SIPA1L1: variants seen among roughly 807,000 people sequenced by gnomAD.
SIPA1L1 encodes signal induced proliferation associated 1 like 1.
SIPA1L1 carries 26 observed loss-of-function variants against 162.7 expected under a neutral mutation model. The observed-to-expected ratio is 0.16, with a 90% CI of 0.12 to 0.22. SIPA1L1 has a LOEUF of 0.22. SIPA1L1 is among the 10% of genes least tolerant of loss of function. The pLI is 1.00. For missense variants in SIPA1L1, 1,874 were observed against 2,241.0 expected, an observed-to-expected ratio of 0.84 and a Z score of 3.31; for synonymous variants, 829 against 837.4, an observed-to-expected ratio of 0.99 and a Z score of 0.17.
intron 3 of SIPA1L1, among the ~76,000 whole-genome samples, chr14:71,528,129 C>T (rs147575153): frequency 1.3e-5 from 2 of 152,308 alleles, no homozygotes; most frequent in African/African-American, 2.4e-5. Context: ...GTTTGTTCAG[C>T]ACTCCATAGT....
At position 71,546,376 on chromosome 14, in the gene SIPA1L1, C is replaced by CTTTT. The variant is rs11480749; in HGVS notation, c.-303+17020_-303+17023dup. On this transcript the variant is annotated intron_variant, in intron 4 of 23. Transcript: ENST00000381232. ...TCTGTATTGTTTTTTCTTTTTCTTTCTTTTTTTTTTTTTTTTTGAGATGGA... is the reference window on the plus strand; with the variant it reads ...TCTGTATTGTTTTTTCTTTTTCTTTCTTTTTTTTTTTTTTTTTTTTTGAGATGGA... Among the ~76,000 whole-genome samples the CTTTT allele has an allele frequency of 6.8e-4, 80 of 116,932 alleles. 1 individual carries two copies. Among genetic ancestry groups the CTTTT allele is most frequent in the East Asian group, 3.3e-3 (13 of 3,912 alleles). The allele number at this position is 116,932 out of a possible 152,430, so 76.7% of individuals were successfully genotyped here.
At chr14:71,501,252 C>T (rs368941030) in intron 2 of SIPA1L1, among the ~76,000 whole-genome samples, 2 of 151,700 alleles carry the variant, frequency 1.3e-5, no homozygotes, top group East Asian at 1.9e-4. Flanking sequence ...GCCCAGGAGT[C>T]GAGGCTACAG....
At chr14:71,385,876 C>T (rs2040281563) in intron 2 of SIPA1L1, among the ~76,000 whole-genome samples, 3 of 151,684 alleles carry the variant, frequency 2.0e-5, no homozygotes, top group Admixed American at 6.6e-5. Context: ...TTAGTAGAGA[C>T]GGGGTTTCAC....
At chr14:71,325,328 A>C (rs2033667914) in intron 2 of SIPA1L1, among the ~76,000 whole-genome samples, 1 of 152,206 alleles carries the variant, frequency 6.6e-6, no homozygotes, top group Non-Finnish European at 1.5e-5. Flanking sequence ...ATTTAAGTTA[A>C]TTATTCTTAA....
intron 2 of SIPA1L1, among the ~76,000 whole-genome samples, chr14:71,367,734 G>T (rs1202967549): frequency 6.6e-6 from 1 of 150,876 alleles, no homozygotes; most frequent in East Asian, 1.9e-4. Context: ...AGCCTCCTGA[G>T]TAGCTGGGAT....
intron 13 of SIPA1L1, among the ~76,000 whole-genome samples, chr14:71,693,963 C>G (rs2081434879): frequency 6.6e-6 from 1 of 152,002 alleles, no homozygotes; most frequent in Non-Finnish European, 1.5e-5. Context: ...GGCCTTATGT[C>G]CTTGTACATA....
chr14:71,685,695 A>G (rs1207457924), intron 13 of SIPA1L1, 64 bp downstream of exon 13: 5 of 1,574,046 alleles, frequency 3.2e-6, no homozygotes, highest in Non-Finnish European at 4.3e-6. Flanking sequence ...ACACAGACCC[A>G]TAAGCACTAG....
At chr14:71,544,182 T>C (rs954192901) in intron 4 of SIPA1L1, among the ~76,000 whole-genome samples, 14 of 151,576 alleles carry the variant, frequency 9.2e-5, no homozygotes, top group Admixed American at 2.0e-4. Context: ...TGCACGTGTG[T>C]GTATATATAC....
intron 2 of SIPA1L1, among the ~76,000 whole-genome samples, chr14:71,350,861 A>C (rs1178995795): frequency 6.6e-6 from 1 of 152,218 alleles, no homozygotes; most frequent in Admixed American, 6.5e-5. Flanking sequence ...CTTATGAACA[A>C]GATGGGAAAA....
chr14:71,372,335 C>A (rs2038966904), intron 2 of SIPA1L1, among the ~76,000 whole-genome samples: 1 of 152,098 alleles, frequency 6.6e-6, no homozygotes, highest in Admixed American at 6.6e-5. Flanking sequence ...TTCTCAATTT[C>A]TTTTTTTCTC....
chr14:71,434,852 A>G (rs913700052), intron 2 of SIPA1L1, among the ~76,000 whole-genome samples: 1 of 152,218 alleles, frequency 6.6e-6, no homozygotes, highest in Non-Finnish European at 1.5e-5. Context: ...AAGTCCTGGG[A>G]TTACAGGTAT....
chr14:71,600,422 T>C (rs754624446), intron 5 of SIPA1L1, among the ~76,000 whole-genome samples: 5 of 152,212 alleles, frequency 3.3e-5, no homozygotes, highest in Non-Finnish European at 7.3e-5. Context: ...TATGAATTTT[T>C]CTGTATTCTG....
At chr14:71,382,889 C>T (rs573661727) in intron 2 of SIPA1L1, among the ~76,000 whole-genome samples, 2 of 152,184 alleles carry the variant, frequency 1.3e-5, no homozygotes, top group Non-Finnish European at 2.9e-5. Flanking sequence ...AATCATAACA[C>T]AGTGATGGGT....
chr14:71,650,311 G>A (rs1471840138), intron 7 of SIPA1L1, 24 bp from the exon 8 acceptor site: 2 of 1,613,366 alleles, frequency 1.2e-6, no homozygotes, highest in African/African-American at 1.3e-5. Flanking sequence ...ATATTTATAT[G>A]CATCGTATTA....
chr14:71,549,985 G>A (rs2055641229), intron 4 of SIPA1L1, among the ~76,000 whole-genome samples: 1 of 149,966 alleles, frequency 6.7e-6, no homozygotes. Flanking sequence ...GGAGCTGGGT[G>A]TGGTGGCTCA....
At position 71,709,475 on chromosome 14, in the gene SIPA1L1, C is replaced by G; in HGVS notation, c.4019C>G (p.Pro1340Arg). 1.2e-6 allele frequency: 2 copies of G among 1,614,182 alleles called. No homozygotes were observed. Among genetic ancestry groups the G allele is most frequent in the Non-Finnish European group, 8.5e-7 (1 of 1,180,022 alleles). The change falls in exon 17 of 24, where the codon CCC becomes CGC. Residue 1340 changes from proline (P) to arginine (R), a missense_variant. Physicochemically the swap from Pro to Arg is moderately radical, Grantham distance 103. Coordinates refer to ENST00000381232, the MANE Select transcript of SIPA1L1 (RefSeq NM_001386936.1). ...RSGPGKEKVA[P>R]LWHSSSEVIS... ...GGGCCAGGCAAGGAGAAAGTGGCAC[C>G]CCTATGGCACAGCTCCAGTGAAGTA... is the stretch of plus-strand genomic sequence containing the variant.
chr14:71,609,438 T>TTTTATTTA (rs57449706), intron 5 of SIPA1L1, among the ~76,000 whole-genome samples: 1,722 of 140,172 alleles, frequency 0.012, 21 homozygotes, highest in East Asian at 0.022. Flanking sequence ...CCAGCTAATA[T>TTTTATTTA]TTTATTTATT....
chr14:71,725,774 G>A (rs2084182534), intron 19 of SIPA1L1, among the ~76,000 whole-genome samples: 1 of 152,192 alleles, frequency 6.6e-6, no homozygotes, highest in African/African-American at 2.4e-5. Flanking sequence ...AGAAGGGAGT[G>A]CACCCCCAGA....
At chr14:71,454,199 G>A (rs1173872048) in intron 2 of SIPA1L1, among the ~76,000 whole-genome samples, 1 of 152,058 alleles carries the variant, frequency 6.6e-6, no homozygotes, top group Non-Finnish European at 1.5e-5. Flanking sequence ...CCCATTGTAT[G>A]TACAAGGCAA....
Sources: allele counts gnomAD v4.1 joint callset (sites outside exome capture counted in the v4.1 genomes callset), GRCh38; gene constraint gnomAD v4.1.1; transcripts MANE v1.5; gene names NCBI Gene and HGNC (gene_info 2026-07-23, HGNC 2026-07-21).